The following CLCN6 variants were observed in gnomAD, a reference collection of about 807,000 sequenced individuals.
CLCN6 encodes H(+)/Cl(-) exchange transporter 6.
In CLCN6, 70 loss-of-function variants were observed where a neutral mutation model predicts 109.8. The observed-to-expected ratio is 0.64, with a 90% CI of 0.53 to 0.78. The LOEUF is 0.78. CLCN6 is among the 30% of genes least tolerant of loss of function. The pLI is 0.00. For missense variants in CLCN6, 984 were observed against 1,142.3 expected (o/e 0.86, Z 2.00); for synonymous variants, 444 against 447.8 (o/e 0.99, Z 0.11).
At chr1:11,812,692 G>GTGTGTGTGTT (rs1644616992) in intron 2 of CLCN6, among the ~76,000 whole-genome samples, 1 of 151,286 alleles carries the variant, frequency 6.6e-6, no homozygotes, top group Non-Finnish European at 1.5e-5. Context: ...GTGTGTGTGT[G>GTGTGTGTGTT]TGTGTGTGTG....
intron 2 of CLCN6, among the ~76,000 whole-genome samples, chr1:11,809,223 A>T (rs971945669): frequency 2.0e-5 from 3 of 152,092 alleles, no homozygotes; most frequent in African/African-American, 7.2e-5. Flanking sequence ...AGGAATTAGT[A>T]TAAGATACTC....
At chr1:11,823,556 C>A in intron 6 of CLCN6, 151 bp from the exon 7 acceptor site, 1 of 921,830 alleles carries the variant, frequency 1.1e-6, no homozygotes. Flanking sequence ...GGAGTGGGGC[C>A]CAGCAGCTGT....
At chr1:11,818,104 T>TAA (rs202071545) in intron 4 of CLCN6, among the ~76,000 whole-genome samples, 20 of 149,488 alleles carry the variant, frequency 1.3e-4, no homozygotes, top group Non-Finnish European at 2.5e-4. Context: ...TCCTTAAAAA[T>TAA]AAAAAAAAAA....
Position 11,834,167 on chromosome 1 carries a change from A to C in CLCN6, c.1527-69A>C. 6.3e-7 allele frequency: 1 copy of C among 1,591,144 alleles called. No individual in the cohort carries two copies. The highest frequency in any genetic ancestry group is 8.6e-7 in the Non-Finnish European group (1 of 1,169,556). ...ATATGTGCATAGGCACAAGAGTATG[A>C]GCTGTAGGTCCTCCCCACAGCCTAT... On this transcript the variant is annotated intron_variant, in intron 15 of 22. Transcript: ENST00000346436. This position sits in a 1 kb window ranked among gnomAD's most constrained non-coding sequence, Gnocchi z 4.5.
In CLCN6 at chr1:11,824,559, ATGGGCTGAGAGGGTG is replaced by A. The variant is rs1272796321; in HGVS notation, c.648+12_648+26del. 1 of 1,613,044 alleles carries A rather than the reference ATGGGCTGAGAGGGTG, an allele frequency of 6.2e-7. No homozygotes were observed. Among genetic ancestry groups the A allele is most frequent in the Admixed American group, 1.7e-5 (1 of 59,970 alleles). On this transcript the variant is annotated splice_region_variant and intron_variant, in intron 8 of 22. Coordinates refer to ENST00000346436, the MANE Select transcript of CLCN6 (RefSeq NM_001286.5). ...TGGGAGCTGGCCTCCCTCAGGTAAG[ATGGGCTGAGAGGGTG>A]TGGGCCTCTGGGCAGGCCTAGTGGG... is the stretch of plus-strand genomic sequence containing the variant.
At chr1:11,806,463 C>A in intron 1 of CLCN6, 114 bp downstream of exon 1, 1 of 945,262 alleles carries the variant, frequency 1.1e-6, no homozygotes, top group Non-Finnish European at 1.5e-6. Flanking sequence ...GCGGGTGGGG[C>A]CTGGGGACCG....
chr1:11,840,095 C>T (rs746578512), intron 22 of CLCN6, 48 bp from the exon 23 acceptor site: 4 of 1,514,862 alleles, frequency 2.6e-6, no homozygotes, highest in Non-Finnish European at 2.8e-6. Context: ...CCTGTTCTCG[C>T]CAGCGGGTTT....
chr1:11,832,448 C>G (rs564046784), intron 13 of CLCN6, among the ~76,000 whole-genome samples: 84 of 152,368 alleles, frequency 5.5e-4, no homozygotes, highest in African/African-American at 2.0e-3. Flanking sequence ...CTGCATGTGT[C>G]TATTATGAAG....
intron 4 of CLCN6, among the ~76,000 whole-genome samples, chr1:11,816,969 C>CT (rs1317861529): frequency 6.6e-6 from 1 of 151,936 alleles, no homozygotes; most frequent in Admixed American, 6.6e-5. Flanking sequence ...TTGGGCAGGA[C>CT]TTTATCTTTT....
At chr1:11,830,585 T>C (rs548149238) in intron 13 of CLCN6, among the ~76,000 whole-genome samples, 1 of 151,920 alleles carries the variant, frequency 6.6e-6, no homozygotes, top group Non-Finnish European at 1.5e-5. Flanking sequence ...TTGGTATCCA[T>C]CGGGATCCTG....
At chr1:11,835,066 G>A (rs914551337) in intron 17 of CLCN6, among the ~76,000 whole-genome samples, 1 of 152,186 alleles carries the variant, frequency 6.6e-6, no homozygotes, top group African/African-American at 2.4e-5. Flanking sequence ...AGGCCCTTAC[G>A]GGCTAACACG....
intron 19 of CLCN6, 78 bp downstream of exon 19, chr1:11,837,234 G>T: frequency 6.3e-7 from 1 of 1,591,482 alleles, no homozygotes; most frequent in South Asian, 1.1e-5. Flanking sequence ...ATGTTGTGAG[G>T]TGGCTCCTGA....
chr1:11,806,445 A>C, intron 1 of CLCN6, 96 bp downstream of exon 1: 1 of 1,181,476 alleles, frequency 8.5e-7, no homozygotes, highest in South Asian at 1.7e-5. Context: ...CTGGGCCCGC[A>C]GGTGGCAGCG....
At chr1:11,839,245 C>G (rs1644989645) in intron 22 of CLCN6, among the ~76,000 whole-genome samples, 1 of 152,142 alleles carries the variant, frequency 6.6e-6, no homozygotes, top group South Asian at 2.1e-4. Context: ...GCCACCCTCT[C>G]AGTCTTTTGT....
At chr1:11,808,128 A>G (rs1038333210) in intron 2 of CLCN6, among the ~76,000 whole-genome samples, 10 of 152,040 alleles carry the variant, frequency 6.6e-5, no homozygotes, top group Admixed American at 3.9e-4. Context: ...CACAGCTTCC[A>G]CAGTGATTTA....
chr1:11,838,939 G>A (rs1310582066), intron 22 of CLCN6: 5 of 715,142 alleles, frequency 7.0e-6, no homozygotes, highest in South Asian at 4.4e-5. Context: ...TCTTCACTCC[G>A]TACCACTGGT....
chr1:11,823,490 G>GA (rs1213625330), intron 6 of CLCN6, among the ~76,000 whole-genome samples: 2 of 144,518 alleles, frequency 1.4e-5, no homozygotes, highest in East Asian at 2.0e-4. Flanking sequence ...AAAAAAAAAA[G>GA]AAAAAAAAGT....
chr1:11,838,805 C>T (rs751704784), intron 22 of CLCN6, 145 bp downstream of exon 22: 33 of 1,223,926 alleles, frequency 2.7e-5, no homozygotes, highest in South Asian at 6.1e-5. Context: ...GAACCCTGCT[C>T]GGCTTCCGTG....
At chr1:11,837,249 C>T in intron 19 of CLCN6, 93 bp downstream of exon 19, 1 of 1,586,470 alleles carries the variant, frequency 6.3e-7, no homozygotes, top group Non-Finnish European at 8.6e-7. Context: ...TCCTGAGTTT[C>T]CTGGGAAAGT....
Sources: gnomAD v4.1 joint callset for allele counts (sites outside exome capture counted in the v4.1 genomes callset) on GRCh38, gnomAD v4.1.1 for gene constraint, Gnocchi (gnomAD v3.1) non-coding constraint, MANE v1.5 for transcripts, NCBI Gene and HGNC (gene_info 2026-07-23, HGNC 2026-07-21) for gene names.